The following TENM2 variants were observed in gnomAD, a reference collection of about 807,000 sequenced individuals.
TENM2 encodes teneurin transmembrane protein 2, also known as teneurin-2.
In TENM2, 52 loss-of-function variants were observed where a neutral mutation model predicts 245.2. The ratio of observed to expected loss-of-function variants is 0.21; its 90% CI spans 0.17 to 0.27. The LOEUF (loss-of-function observed/expected upper bound fraction) is 0.27. TENM2 is among the 10% of genes least tolerant of loss of function. The probability of loss-of-function intolerance (pLI) is 1.00; values close to 1 mark genes in which losing one functional copy is unlikely to be tolerated. For missense variants in TENM2, 3,046 were observed against 3,666.8 expected, an observed-to-expected ratio of 0.83 and a Z score of 4.37; for synonymous variants, 1,363 against 1,438.9, an observed-to-expected ratio of 0.95 and a Z score of 1.19.
the TENM2 span, among the ~76,000 whole-genome samples, chr5:167,268,222 A>G: frequency 7.9e-5 from 12 of 152,308 alleles, no homozygotes; most frequent in South Asian, 1.7e-3. Flanking sequence ...ACAAACCTCA[A>G]TGCCAGAAAT....
the TENM2 span, among the ~76,000 whole-genome samples, chr5:167,262,924 C>T: frequency 6.6e-6 from 1 of 152,124 alleles, no homozygotes; most frequent in African/African-American, 2.4e-5. Context: ...GATTCAGTGT[C>T]TGGTGAGAGC....
At chr5:167,097,936 T>C in the TENM2 span, among the ~76,000 whole-genome samples, 1 of 152,340 alleles carries the variant, frequency 6.6e-6, no homozygotes, top group East Asian at 1.9e-4. Context: ...TTTCTAACTT[T>C]CACTGGTATT....
At chr5:168,155,341 A>G (rs1757057258) in intron 12 of TENM2, among the ~76,000 whole-genome samples, 1 of 136,778 alleles carries the variant, frequency 7.3e-6, no homozygotes, top group Admixed American at 7.5e-5. Context: ...GCACAGCTCC[A>G]GGGAAAACAA....
intron 2 of TENM2, among the ~76,000 whole-genome samples, chr5:167,410,936 A>G (rs1443687405): frequency 6.6e-6 from 1 of 152,108 alleles, no homozygotes; most frequent in Non-Finnish European, 1.5e-5. Flanking sequence ...ATTAACCTCT[A>G]GCCACAACCA....
intron 25 of TENM2, among the ~76,000 whole-genome samples, chr5:168,243,758 A>G (rs1188544694): frequency 6.6e-6 from 1 of 151,988 alleles, no homozygotes; most frequent in Non-Finnish European, 1.5e-5. Context: ...ACACTGCACA[A>G]TTTTCACCAT....
At chr5:167,480,473 C>T (rs1767687112) in intron 2 of TENM2, among the ~76,000 whole-genome samples, 1 of 152,136 alleles carries the variant, frequency 6.6e-6, no homozygotes. Context: ...GAAATGTGAA[C>T]ATGGGATGCT....
the TENM2 span, among the ~76,000 whole-genome samples, chr5:167,148,518 T>A: frequency 6.6e-6 from 1 of 152,216 alleles, no homozygotes; most frequent in Non-Finnish European, 1.5e-5. Context: ...GTATATATTT[T>A]CTTTACTTAA....
the TENM2 span, among the ~76,000 whole-genome samples, chr5:167,008,391 C>A: frequency 1.3e-5 from 2 of 152,130 alleles, no homozygotes; most frequent in South Asian, 2.1e-4. Flanking sequence ...CTCCTTCCAG[C>A]GGTGGATGAA....
chr5:167,224,798 G>A, the TENM2 span, among the ~76,000 whole-genome samples: 1 of 152,084 alleles, frequency 6.6e-6, no homozygotes, highest in South Asian at 2.1e-4. Context: ...GAGCAGTATG[G>A]TAGTTTTAAC....
chr5:167,855,219 C>G (rs1395567899), intron 2 of TENM2, among the ~76,000 whole-genome samples: 3 of 152,048 alleles, frequency 2.0e-5, no homozygotes, highest in African/African-American at 7.2e-5. Flanking sequence ...TTGTGCTTCC[C>G]CTAGACATCA....
intron 2 of TENM2, among the ~76,000 whole-genome samples, chr5:167,812,441 C>A (rs189486954): frequency 6.6e-6 from 1 of 152,274 alleles, no homozygotes; most frequent in East Asian, 1.9e-4. Context: ...CTGTGTAGAA[C>A]CCTCAGGATC....
At chr5:167,443,812 A>G (rs1764999811) in intron 2 of TENM2, among the ~76,000 whole-genome samples, 1 of 152,036 alleles carries the variant, frequency 6.6e-6, no homozygotes, top group Non-Finnish European at 1.5e-5. Context: ...AAAACAGGGG[A>G]CTTATTTTAC....
the TENM2 span, among the ~76,000 whole-genome samples, chr5:167,223,751 T>C: frequency 6.6e-6 from 1 of 152,192 alleles, no homozygotes; most frequent in Admixed American, 6.5e-5. Flanking sequence ...TTTTAGTTTT[T>C]TGAGAAATCT....
At chr5:167,430,010 G>A (rs11948952) in intron 2 of TENM2, among the ~76,000 whole-genome samples, 3,904 of 152,100 alleles carry the variant, frequency 0.026, 160 homozygotes, top group African/African-American at 0.089. Context: ...GTGGAGTGCT[G>A]GTAGAAGGAA....
chr5:167,634,768 C>G (rs949029812), intron 2 of TENM2, among the ~76,000 whole-genome samples: 20 of 152,044 alleles, frequency 1.3e-4, no homozygotes, highest in Admixed American at 6.5e-4. Flanking sequence ...CTTCAGTCTA[C>G]CCAGAGCAGT....
intron 2 of TENM2, chr5:167,728,613 A>G (rs6893805): frequency 0.22 from 33,472 of 149,654 alleles, 4,045 homozygotes; most frequent in African/African-American, 0.32. Context: ...ATAAATAAAT[A>G]AATGAATGAA....
chr5:167,434,067 C>A (rs527852649), intron 2 of TENM2, among the ~76,000 whole-genome samples: 1 of 152,088 alleles, frequency 6.6e-6, no homozygotes, highest in South Asian at 2.1e-4. Context: ...TTTCAGATAT[C>A]CTACTACATC....
chr5:167,534,537 A>G lies in TENM2; in HGVS notation c.502+159064A>G, dbSNP rs191069663. On this transcript the variant is annotated intron_variant, in intron 2 of 28. Transcript: ENST00000518659. ...AGCAAAATTATCAATTGTTTATCCA[A>G]AATCCAAATTTAACTGGGTGTCCTA... is the stretch of plus-strand genomic sequence containing the variant. 1.5e-3 allele frequency among the ~76,000 whole-genome samples: 231 copies of G among 152,318 alleles called. 4 individuals carry two copies. The highest frequency in any genetic ancestry group is 5.2e-3 in the African/African-American group (218 of 41,584).
At chr5:167,315,393 A>G (rs775635974) in intron 1 of TENM2, among the ~76,000 whole-genome samples, 1 of 152,112 alleles carries the variant, frequency 6.6e-6, no homozygotes, top group Non-Finnish European at 1.5e-5. Context: ...TGTTTTCTCT[A>G]TTAATTTGGT....
Sources: allele counts gnomAD v4.1 joint callset (sites outside exome capture counted in the v4.1 genomes callset), GRCh38; gene constraint gnomAD v4.1.1; transcripts MANE v1.5; gene names NCBI Gene and HGNC (gene_info 2026-07-23, HGNC 2026-07-21).